The following ADAMTSL1 variants were observed in gnomAD, a reference collection of about 807,000 sequenced individuals.
The protein encoded by ADAMTSL1 is ADAMTS like 1, also known as ADAMTS-like protein 1.
Under a neutral mutation model 201.8 loss-of-function variants are expected in ADAMTSL1, and 126 were observed. That is an observed-to-expected ratio of 0.62 (90% CI 0.54 to 0.72). The LOEUF (loss-of-function observed/expected upper bound fraction) is 0.72, where lower values mean the gene tolerates loss of function less well. Ranked by LOEUF, ADAMTSL1 falls within the 30% of genes least tolerant of loss-of-function variation. The pLI is 0.00. For missense variants in ADAMTSL1, 2,679 were observed against 2,277.8 expected (o/e 1.18, Z -3.59); for synonymous variants, 1,121 against 903.4 (o/e 1.24, Z -4.32).
intron 3 of ADAMTSL1, among the ~76,000 whole-genome samples, chr9:18,563,806 C>T (rs1821699138): frequency 6.6e-6 from 1 of 152,182 alleles, no homozygotes; most frequent in Non-Finnish European, 1.5e-5. Flanking sequence ...GCTTTGTTTA[C>T]ACTGTGAGTG....
At chr9:18,444,548 A>G (rs1424937681) in intron 2 of ADAMTSL1, among the ~76,000 whole-genome samples, 1 of 152,180 alleles carries the variant, frequency 6.6e-6, no homozygotes, top group Non-Finnish European at 1.5e-5. Flanking sequence ...AAGGATAAAA[A>G]CATAAGGCTT....
intron 1 of ADAMTSL1, among the ~76,000 whole-genome samples, chr9:17,938,183 G>A (rs561203794): frequency 2.0e-5 from 3 of 152,240 alleles, no homozygotes; most frequent in Admixed American, 6.5e-5. Context: ...AATTTACATG[G>A]GGTGTGTGCA....
chr9:18,669,543 G>T (rs1046579748), intron 9 of ADAMTSL1, among the ~76,000 whole-genome samples: 1 of 152,076 alleles, frequency 6.6e-6, no homozygotes, highest in Non-Finnish European at 1.5e-5. Context: ...TTAGTTTATG[G>T]TTTTTTAAAA....
intron 1 of ADAMTSL1, among the ~76,000 whole-genome samples, chr9:18,498,429 T>C (rs1033868271): frequency 2.7e-5 from 4 of 149,528 alleles, no homozygotes; most frequent in African/African-American, 9.8e-5. Flanking sequence ...CTTCACCTCC[T>C]GGGTTCAAGC....
rs546857482 is a variant in ADAMTSL1, at chr9:18,322,996, C to A, written c.207+159015C>A. Among the ~76,000 whole-genome samples the A allele has an allele frequency of 3.9e-5, 6 of 152,270 alleles. No homozygotes were observed. In the East Asian group the frequency reaches 1.2e-3, roughly 29 times the overall value. Reference sequence around the variant, plus strand: ...AGCTAATACCAATCTTACACAAAATCTTTCAGAAAACAGAGGAGAGAATAC... The same window carrying A: ...AGCTAATACCAATCTTACACAAAATATTTCAGAAAACAGAGGAGAGAATAC... On this transcript the variant is annotated intron_variant, in intron 2 of 29. Transcript: ENST00000680146.
intron 2 of ADAMTSL1, among the ~76,000 whole-genome samples, chr9:18,223,777 C>T (rs1391279775): frequency 6.6e-6 from 1 of 151,862 alleles, no homozygotes; most frequent in African/African-American, 2.4e-5. Context: ...TTGTCTCTCA[C>T]CCATGGTAGC....
At chr9:18,031,314 G>C (rs1254176142) in intron 1 of ADAMTSL1, among the ~76,000 whole-genome samples, 2 of 152,104 alleles carry the variant, frequency 1.3e-5, no homozygotes, top group African/African-American at 4.8e-5. Context: ...TTTTCATGGG[G>C]CTTTTTGTTT....
chr9:18,338,332 C>G (rs4514086), intron 2 of ADAMTSL1, among the ~76,000 whole-genome samples: 95,599 of 151,948 alleles, frequency 0.63, 30,583 homozygotes, highest in Admixed American at 0.72. Context: ...CCCTTTCCTA[C>G]CTCAGTGGGC....
intron 1 of ADAMTSL1, among the ~76,000 whole-genome samples, chr9:18,073,551 G>T (rs1344941441): frequency 6.6e-6 from 1 of 152,170 alleles, no homozygotes; most frequent in Admixed American, 6.5e-5. Flanking sequence ...CATTGTGTAT[G>T]TGCAGAAGCA....
intron 23 of ADAMTSL1, among the ~76,000 whole-genome samples, chr9:18,879,219 G>T (rs1828370295): frequency 6.6e-6 from 1 of 152,150 alleles, no homozygotes; most frequent in Admixed American, 6.5e-5. Flanking sequence ...GAACCTAAAA[G>T]CACCTTAAAG....
At chr9:18,497,280 AT>A (rs922219664) in intron 1 of ADAMTSL1, among the ~76,000 whole-genome samples, 1 of 152,254 alleles carries the variant, frequency 6.6e-6, no homozygotes, top group South Asian at 2.1e-4. Context: ...AAATAAATGA[AT>A]TTTTTTAAAT....
intron 2 of ADAMTSL1, among the ~76,000 whole-genome samples, chr9:18,513,836 C>A (rs567151235): frequency 1.6e-4 from 24 of 152,252 alleles, no homozygotes; most frequent in Middle Eastern, 3.4e-3. Flanking sequence ...TGTCTTTACA[C>A]CAAGGTGTCT....
intron 1 of ADAMTSL1, among the ~76,000 whole-genome samples, chr9:18,032,031 T>C (rs985086665): frequency 2.0e-4 from 30 of 152,220 alleles, no homozygotes; most frequent in African/African-American, 7.2e-4. Flanking sequence ...CTCCTTCTAG[T>C]GTCTTCCCTA....
chr9:18,254,346 T>G (rs1484932827), intron 2 of ADAMTSL1, among the ~76,000 whole-genome samples: 1 of 9,324 alleles, frequency 1.1e-4, no homozygotes, highest in Non-Finnish European at 1.8e-4. Flanking sequence ...CTCTTTTTGG[T>G]TTTTTTTTTT....
rs1003632963 is a variant in ADAMTSL1 at position 17,928,448 on chromosome 9, C to G, written c.87+21526C>G. Among the ~76,000 whole-genome samples, 3 of 152,304 alleles carry G rather than the reference C, an allele frequency of 2.0e-5. No homozygotes were observed. The South Asian group carries it at 6.2e-4, about 32-fold the overall frequency. On this transcript the variant is annotated intron_variant, in intron 1 of 29. Coordinates refer to the ADAMTSL1 transcript ENST00000680146. ...GCCAATGGTTAAAACAAAACCTGAG[C>G]AATACTCCTCTGACTTCTTCCACCT...
At chr9:18,377,898 A>G (rs969414268) in intron 2 of ADAMTSL1, among the ~76,000 whole-genome samples, 2 of 151,918 alleles carry the variant, frequency 1.3e-5, no homozygotes, top group African/African-American at 4.8e-5. Context: ...TATATTTGGA[A>G]AGGCCTAGTG....
At position 18,201,573 on chromosome 9, in the gene ADAMTSL1, G is replaced by T. The variant is rs370051483; in HGVS notation, c.207+37592G>T. ...TATTACGGCCTTAGAAGGAGCAATG[G>T]GTTAAAAAACTTTTCATCTTGTTTT... On this transcript the variant is annotated intron_variant, in intron 2 of 29. Coordinates refer to the ADAMTSL1 transcript ENST00000680146. Among the ~76,000 whole-genome samples, 57 of 152,046 alleles carry T rather than the reference G, an allele frequency of 3.7e-4. 1 individual carries two copies. The East Asian group carries it at 0.011, about 28-fold the overall frequency.
chr9:18,896,308 A>T (rs1829633424), intron 26 of ADAMTSL1, among the ~76,000 whole-genome samples: 1 of 152,156 alleles, frequency 6.6e-6, no homozygotes, highest in African/African-American at 2.4e-5. Flanking sequence ...GGAATCTTGA[A>T]AGCAGCAAGA....
At chr9:18,647,517 G>A (rs935157915) in intron 7 of ADAMTSL1, among the ~76,000 whole-genome samples, 2 of 151,866 alleles carry the variant, frequency 1.3e-5, no homozygotes, top group Non-Finnish European at 1.5e-5. Flanking sequence ...TTCTCTTGTG[G>A]GCATTTAGTG....
Sources: allele counts gnomAD v4.1 joint callset (sites outside exome capture counted in the v4.1 genomes callset), GRCh38; gene constraint gnomAD v4.1.1; transcripts MANE v1.5; gene names NCBI Gene and HGNC (gene_info 2026-07-23, HGNC 2026-07-21).